The following DLK1 variants were observed in gnomAD, a reference collection of about 807,000 sequenced individuals.
DLK1 encodes protein delta homolog 1.
A neutral mutation model predicts 35.2 loss-of-function variants in DLK1; 9 were observed. That is an observed-to-expected ratio of 0.26 (90% confidence interval 0.15 to 0.45). The LOEUF is 0.45. DLK1 is among the 20% of genes least tolerant of loss of function. The probability of loss-of-function intolerance (pLI) is 1.00; values close to 1 mark genes in which losing one functional copy is unlikely to be tolerated. For synonymous variants in DLK1, 231 were observed against 228.4 expected (o/e 1.01, Z -0.10); for missense variants, 522 against 528.5 (o/e 0.99, Z 0.12).
intron 4 of DLK1, among the ~76,000 whole-genome samples, 153 bp downstream of exon 4, chr14:100,732,336 A>C (rs1280102174): frequency 2.6e-5 from 4 of 152,210 alleles, no homozygotes; most frequent in African/African-American, 9.6e-5. Context: ...CCTGGATGGG[A>C]GTATTCACGG....
At chr14:100,732,315 T>C (rs1179186415) in intron 4 of DLK1, 132 bp downstream of exon 4, 1 of 1,382,484 alleles carries the variant, frequency 7.2e-7, no homozygotes, top group Non-Finnish European at 9.7e-7. Context: ...GGCAGCCCCG[T>C]AGGGGACCGC....
intron 3 of DLK1, among the ~76,000 whole-genome samples, chr14:100,731,635 C>T (rs910514893): frequency 6.6e-6 from 1 of 152,132 alleles, no homozygotes; most frequent in African/African-American, 2.4e-5. Context: ...GGCCAGGACC[C>T]CTCCCCTAAC....
In DLK1 at chr14:100,726,993, C is replaced by G; in HGVS notation, c.-76C>G. Reference sequence around the variant, plus strand: ...CCGCGCCCCCTTTCGCGTCCGCAACCAGAAGCCCAGTGCGGCGCCAGGAGC... The same window carrying G: ...CCGCGCCCCCTTTCGCGTCCGCAACGAGAAGCCCAGTGCGGCGCCAGGAGC... On this transcript the variant is annotated 5_prime_UTR_variant, in exon 1 of 5. Coordinates refer to ENST00000341267, the MANE Select transcript of DLK1 (RefSeq NM_003836.7). This position sits in a 1 kb window ranked among gnomAD's most constrained non-coding sequence, Gnocchi z 4.2. The G allele has an allele frequency of 7.1e-7, 1 of 1,407,848 alleles. No individual in the cohort carries two copies. The highest frequency in any genetic ancestry group is 9.3e-7 in the Non-Finnish European group (1 of 1,072,120). The allele number at this position is 1,407,848 out of a possible 1,614,324, so 87.2% of individuals were successfully genotyped here.
chr14:100,734,945 A>C lies in DLK1; in HGVS notation c.*49A>C. On this transcript the variant is annotated 3_prime_UTR_variant, in exon 5 of 5. Transcript: ENST00000341267. The surrounding 1 kb of genome is among the most constrained non-coding windows in gnomAD (Gnocchi z 7.4). ...AGATTCTTGGAGTTCCGCAGAGCTT[A>C]CTATACGCGGTCTGTCCTAATCTTT... 4 of 1,524,008 alleles carry C rather than the reference A, an allele frequency of 2.6e-6. No homozygotes were observed. In the East Asian group the frequency reaches 9.0e-5, roughly 34 times the overall value. 94.4% of individuals were successfully genotyped at this position (1,524,008 alleles called of 1,614,324 possible). A position where few individuals can be genotyped will look rare whatever the true frequency, so the allele number is the denominator to read the frequency against.
rs2139869096 is a variant in DLK1 at position 100,737,868 on chromosome 14, C to G, written c.*2972C>G. The G allele has an allele frequency of 6.6e-6, 1 of 152,370 alleles. No individual in the cohort carries two copies. The highest frequency in any genetic ancestry group is 2.1e-4 in the South Asian group (1 of 4,830). 9.4% of individuals were successfully genotyped at this position (152,370 alleles called of 1,614,324 possible). The stretch of plus-strand genomic sequence containing the variant: ...CACTCGCACTACCCCCCCCGTGCCA[C>G]AGAAGCAGTGTCAGCAGCCTCGCCA... On this transcript the variant is annotated 3_prime_UTR_variant, in exon 5 of 5. Transcript: ENST00000341267.
Position 100,734,851 on chromosome 14 carries a change from C to T in DLK1, c.1107C>T (p.Ile369=), listed in dbSNP as rs12975. 8 of 1,607,100 alleles carry T rather than the reference C, an allele frequency of 5.0e-6. No homozygotes were observed. The highest frequency in any genetic ancestry group is 2.2e-5 in the South Asian group (2 of 90,724). ...TCAACATCATCTTCCCCGAGAAGAT[C>T]GACATGACCACCTTCAGCAAGGAGG... is the stretch of plus-strand genomic sequence containing the variant. The part of the protein sequence containing the change: ...LAVNIIFPEK[I]DMTTFSKEAG... The change falls in exon 5 of 5, where the codon ATC becomes ATT. Residue 369 remains isoleucine, a synonymous_variant. Coordinates refer to ENST00000341267, the MANE Select transcript of DLK1 (RefSeq NM_003836.7). The surrounding 1 kb of genome is among the most constrained non-coding windows in gnomAD (Gnocchi z 7.4).
At chr14:100,731,988 C>A in intron 3 of DLK1, 54 bp from the exon 4 acceptor site, 1 of 1,555,432 alleles carries the variant, frequency 6.4e-7, no homozygotes. Flanking sequence ...GGGCCCGCAT[C>A]ACGCTCGTGT....
Position 100,735,120 on chromosome 14 carries a change from T to A in DLK1, c.*224T>A. ...AGAATAATAATAAGAATTTCATCTT[T>A]AAATGAGTAAGAGAAATAAGTATGT... is the stretch of plus-strand genomic sequence containing the variant. On this transcript the variant is annotated 3_prime_UTR_variant, in exon 5 of 5. Coordinates refer to ENST00000341267, the MANE Select transcript of DLK1 (RefSeq NM_003836.7). 1 of 423,782 alleles carries A rather than the reference T, an allele frequency of 2.4e-6. No homozygotes were observed. The highest frequency in any genetic ancestry group is 4.0e-6 in the Non-Finnish European group (1 of 251,318). The allele number at this position is 423,782 out of a possible 1,614,324, so 26.3% of individuals were successfully genotyped here.
At chr14:100,728,494 G>A (rs757474355) in intron 2 of DLK1, 35 bp downstream of exon 2, 1 of 1,611,724 alleles carries the variant, frequency 6.2e-7, no homozygotes, top group Non-Finnish European at 8.5e-7. Flanking sequence ...AGCTTGTAGG[G>A]GCCACGCAGA....
At chr14:100,730,090 A>G (rs1258042295) in intron 3 of DLK1, among the ~76,000 whole-genome samples, 1 of 152,222 alleles carries the variant, frequency 6.6e-6, no homozygotes, top group African/African-American at 2.4e-5. Context: ...CAGCCAGGGC[A>G]GCCGTGGTTC....
chr14:100,735,046 C>A lies in DLK1; in HGVS notation c.*150C>A. The A allele has an allele frequency of 2.0e-6, 2 of 1,016,800 alleles. No homozygotes were observed. Among genetic ancestry groups the A allele is most frequent in the Non-Finnish European group, 2.7e-6 (2 of 735,120 alleles). 63.0% of individuals were successfully genotyped at this position (1,016,800 alleles called of 1,614,324 possible). The stretch of plus-strand genomic sequence containing the variant: ...ATATTGTCTTTGTGCTGCTGTGTGA[C>A]AAACGCAATGCAAAAACAATCCTCT... On this transcript the variant is annotated 3_prime_UTR_variant, in exon 5 of 5. Coordinates refer to ENST00000341267, the MANE Select transcript of DLK1 (RefSeq NM_003836.7).
In DLK1 at chr14:100,734,764, C is replaced by A; in HGVS notation, c.1020C>A (p.Asn340Lys). 1 of 1,614,076 alleles carries A rather than the reference C, an allele frequency of 6.2e-7. No individual in the cohort carries two copies. The highest frequency in any genetic ancestry group is 1.1e-5 in the South Asian group (1 of 91,088). Residue 340 changes from asparagine (N) to lysine (K), a missense_variant, in exon 5 of 5, where the codon AAC becomes AAA. Coordinates refer to ENST00000341267, the MANE Select transcript of DLK1 (RefSeq NM_003836.7). This position sits in a 1 kb window ranked among gnomAD's most constrained non-coding sequence, Gnocchi z 7.4. ...CETWVSNLRY[N>K]HMLRKKKNLL... Reference sequence around the variant, plus strand: ...CCTGGGTGTCCAACCTGCGCTACAACCACATGCTGCGGAAGAAGAAGAACC... The same window carrying A: ...CCTGGGTGTCCAACCTGCGCTACAAACACATGCTGCGGAAGAAGAAGAACC...
rs1224569320 is a variant in DLK1 at position 100,737,719 on chromosome 14, G to A, written c.*2823G>A. 6.6e-6 allele frequency: 1 copy of A among 152,220 alleles called. No homozygotes were observed. The highest frequency in any genetic ancestry group is 1.5e-5 in the Non-Finnish European group (1 of 68,066). 9.4% of individuals were successfully genotyped at this position (152,220 alleles called of 1,614,324 possible). On this transcript the variant is annotated 3_prime_UTR_variant, in exon 5 of 5. Transcript: ENST00000341267. ...AGCGCGGTGCCGGTCACATGCCGTG[G>A]GAGTGGAGGGTCTTGAGCAGACGCC... is the stretch of plus-strand genomic sequence containing the variant.
At chr14:100,728,029 C>T (rs940465869) in intron 1 of DLK1, among the ~76,000 whole-genome samples, 4 of 152,276 alleles carry the variant, frequency 2.6e-5, no homozygotes, top group African/African-American at 9.6e-5. Flanking sequence ...GCAAAAGTGA[C>T]GGTCAGGCTG....
Position 100,728,961 on chromosome 14 carries a change from C to T in DLK1, c.157C>T (p.Leu53Phe), listed in dbSNP as rs1357818165. ...GTGCCAGCCTGGCTGGCAGGGTCCC[C>T]TTTGTGACCAGTGCGTGACCTCTCC... ...CRCQPGWQGP[L>F]CDQCVTSPGC... is the part of the protein sequence containing the mutation. Residue 53 changes from leucine (L) to phenylalanine (F), a missense_variant, in exon 3 of 5, where the codon CTT (leucine) becomes TTT (phenylalanine). Physicochemically the swap from Leu to Phe is conservative, Grantham distance 22. Coordinates refer to ENST00000341267, the MANE Select transcript of DLK1 (RefSeq NM_003836.7). 4 of 1,614,014 alleles carry T rather than the reference C, an allele frequency of 2.5e-6. No individual in the cohort carries two copies. Among genetic ancestry groups the T allele is most frequent in the Non-Finnish European group, 3.4e-6 (4 of 1,180,046 alleles).
chr14:100,731,511 T>A (rs1459060446), intron 3 of DLK1, among the ~76,000 whole-genome samples: 1 of 152,132 alleles, frequency 6.6e-6, no homozygotes, highest in Non-Finnish European at 1.5e-5. Flanking sequence ...GGTTTCTTGA[T>A]TCCTGACGGA....
At position 100,734,788 on chromosome 14, in the gene DLK1, C is replaced by T; in HGVS notation, c.1044C>T (p.Asn348=). The change falls in exon 5 of 5, where the codon AAC becomes AAT. Residue 348 remains asparagine, a synonymous_variant. Transcript: ENST00000341267. This position sits in a 1 kb window ranked among gnomAD's most constrained non-coding sequence, Gnocchi z 7.4. ...RYNHMLRKKK[N]LLLQYNSGED... is the part of the protein sequence containing the mutation. Reference sequence around the variant, plus strand: ...ACCACATGCTGCGGAAGAAGAAGAACCTGCTGCTTCAGTACAACAGCGGGG... The same window carrying T: ...ACCACATGCTGCGGAAGAAGAAGAATCTGCTGCTTCAGTACAACAGCGGGG... 1 of 1,614,020 alleles carries T rather than the reference C, an allele frequency of 6.2e-7. No individual in the cohort carries two copies.
chr14:100,737,212 C>T lies in DLK1; in HGVS notation c.*2316C>T, dbSNP rs902394404. The T allele has an allele frequency of 1.4e-5, 2 of 143,588 alleles. No homozygotes were observed. The highest frequency in any genetic ancestry group is 5.3e-5 in the African/African-American group (2 of 37,692). 8.9% of individuals were successfully genotyped at this position (143,588 alleles called of 1,614,324 possible). A position where few individuals can be genotyped will look rare whatever the true frequency, so the allele number is the denominator to read the frequency against. On this transcript the variant is annotated 3_prime_UTR_variant, in exon 5 of 5. Transcript: ENST00000341267. ...TCTCTGACAACCGCCCCAAGTCCCT[C>T]TTCCTTCCCCACGAAGTCATTCATA...
Position 100,728,458 on chromosome 14 carries a change from A to G in DLK1, c.130A>G (p.Arg44Gly), listed in dbSNP as rs376525727. The G allele has an allele frequency of 2.5e-5, 40 of 1,613,556 alleles. No homozygotes were observed. The highest frequency in any genetic ancestry group is 3.1e-5 in the Non-Finnish European group (36 of 1,179,732). Residue 44 changes from arginine (R) to glycine (G), a missense_variant and splice_region_variant, in exon 2 of 5, where the codon AGG (arginine) becomes GGG (glycine). Coordinates refer to ENST00000341267, the MANE Select transcript of DLK1 (RefSeq NM_003836.7). Reference protein sequence around the residue: ...NGFCEDDNVCRCQPGWQGPLC... With the variant: ...NGFCEDDNVCGCQPGWQGPLC... ...ATTCTGCGAGGATGACAATGTTTGC[A>G]GGTAATAGAGTGGCTCCTCAGAGGC...
Sources: allele counts gnomAD v4.1 joint callset (sites outside exome capture counted in the v4.1 genomes callset), GRCh38; gene constraint gnomAD v4.1.1; non-coding constraint Gnocchi (gnomAD v3.1); transcripts MANE v1.5; gene names NCBI Gene and HGNC (gene_info 2026-07-23, HGNC 2026-07-21).